Variants in COL5A1 observed in about 807,000 individuals in gnomAD.
The protein encoded by COL5A1 is collagen type V alpha 1 chain, also known as collagen alpha-1(V) chain.
In COL5A1, 16 loss-of-function variants were observed where a neutral mutation model predicts 263.7. The ratio of observed to expected loss-of-function variants is 0.06; its 90% CI spans 0.04 to 0.09. The LOEUF (loss-of-function observed/expected upper bound fraction) is 0.09. COL5A1 is among the 10% of genes least tolerant of loss of function. The probability of loss-of-function intolerance (pLI) is 1.00; values close to 1 mark genes in which losing one functional copy is unlikely to be tolerated. For missense variants in COL5A1, 2,036 were observed against 2,540.5 expected, an observed-to-expected ratio of 0.80 and a Z score of 4.27; for synonymous variants, 1,012 against 1,004.5, an observed-to-expected ratio of 1.01 and a Z score of -0.14.
chr9:134,804,831 A>G (rs934378872), intron 39 of COL5A1, 144 bp from the exon 40 acceptor site: 2 of 729,694 alleles, frequency 2.7e-6, no homozygotes, highest in Admixed American at 2.1e-5. Context: ...GAAGGCCCCA[A>G]CCCTTGGCCT....
At chr9:134,643,478 A>G (rs1588393077) in intron 1 of COL5A1, among the ~76,000 whole-genome samples, 1 of 152,194 alleles carries the variant, frequency 6.6e-6, no homozygotes, top group Non-Finnish European at 1.5e-5. Context: ...CCGCTTGTCA[A>G]TTAAAACACT....
chr9:134,796,962 C>G (rs1284511771), intron 36 of COL5A1, 61 bp downstream of exon 36: 1 of 1,167,008 alleles, frequency 8.6e-7, no homozygotes, highest in South Asian at 1.6e-5. Context: ...CCACCTGTCC[C>G]CTCCAAAACC....
intron 1 of COL5A1, among the ~76,000 whole-genome samples, chr9:134,659,044 G>T (rs1473282181): frequency 1.3e-5 from 2 of 152,130 alleles, no homozygotes; most frequent in African/African-American, 2.4e-5. Context: ...CATTTTACAG[G>T]TGAGAAGCAG....
intron 11 of COL5A1, among the ~76,000 whole-genome samples, chr9:134,749,890 G>A (rs1835711287): frequency 6.6e-6 from 1 of 152,246 alleles, no homozygotes; most frequent in Admixed American, 6.5e-5. Context: ...GAAGCTGGCT[G>A]GAATTGGTCT....
chr9:134,804,199 C>T (rs11794712), intron 39 of COL5A1, among the ~76,000 whole-genome samples: 22 of 152,140 alleles, frequency 1.4e-4, no homozygotes, highest in Non-Finnish European at 2.9e-4. Context: ...TACATGCACA[C>T]GTGTGTGTAT....
rs1214979825 is a variant in COL5A1 at position 134,755,254 on chromosome 9, C to T, written c.1827+928C>T. 6.6e-6 allele frequency among the ~76,000 whole-genome samples: 1 copy of T among 152,158 alleles called. No homozygotes were observed. Among genetic ancestry groups the T allele is most frequent in the African/African-American group, 2.4e-5 (1 of 41,438 alleles). On this transcript the variant is annotated intron_variant, in intron 16 of 65. Coordinates refer to ENST00000371817, the MANE Select transcript of COL5A1 (RefSeq NM_000093.5). The surrounding 1 kb of genome is among the most constrained non-coding windows in gnomAD (Gnocchi z 4.1). ...TTGGGCCATTTATTTGGATCTGATTCTGAAAAATGTTTTATTTCCTTAAGG... is the reference window on the plus strand; with the variant it reads ...TTGGGCCATTTATTTGGATCTGATTTTGAAAAATGTTTTATTTCCTTAAGG...
rs1318031733 is a variant in COL5A1 at position 134,794,804 on chromosome 9, A to G, written c.2701-278A>G. ...ATGTAGCGGTGCTCTGAGGAAAGAA[A>G]CCAGATAATAGTATAAACATCCATC... On this transcript the variant is annotated intron_variant, in intron 32 of 65. Transcript: ENST00000371817. This position sits in a 1 kb window ranked among gnomAD's most constrained non-coding sequence, Gnocchi z 4.3. Among the ~76,000 whole-genome samples, 1 of 152,198 alleles carries G rather than the reference A, an allele frequency of 6.6e-6. No individual in the cohort carries two copies. Among genetic ancestry groups the G allele is most frequent in the African/African-American group, 2.4e-5 (1 of 41,442 alleles).
chr9:134,701,863 G>A (rs1833687548), intron 4 of COL5A1, among the ~76,000 whole-genome samples: 1 of 152,210 alleles, frequency 6.6e-6, no homozygotes, highest in South Asian at 2.1e-4. Context: ...AGAGGCTTGG[G>A]AGTCGGGGCC....
At chr9:134,751,676 TG>T (rs1023042518) in intron 13 of COL5A1, among the ~76,000 whole-genome samples, 1 of 8,298 alleles carries the variant, frequency 1.2e-4, no homozygotes, top group African/African-American at 4.8e-4. Context: ...GGTGGGTGGG[TG>T]GGTAATCCTC....
intron 9 of COL5A1, among the ~76,000 whole-genome samples, chr9:134,733,556 C>T (rs1310272290): frequency 2.6e-5 from 4 of 152,194 alleles, no homozygotes; most frequent in Admixed American, 2.6e-4. Flanking sequence ...TCATGGGCTG[C>T]AGGGCAAAGG....
At chr9:134,760,270 CACAT>C (rs1363948206) in intron 18 of COL5A1, among the ~76,000 whole-genome samples, 1 of 121,904 alleles carries the variant, frequency 8.2e-6, no homozygotes, top group Non-Finnish European at 1.7e-5. Context: ...CACTGATACA[CACAT>C]GCACACACGC....
intron 49 of COL5A1, among the ~76,000 whole-genome samples, chr9:134,814,242 A>C (rs1838652592): frequency 1.3e-5 from 2 of 152,166 alleles, no homozygotes; most frequent in African/African-American, 2.4e-5. Context: ...AGCAATAGCT[A>C]CCTGTGCCCA....
At chr9:134,783,761 G>A (rs1362242790) in intron 29 of COL5A1, among the ~76,000 whole-genome samples, 1 of 152,226 alleles carries the variant, frequency 6.6e-6, no homozygotes, top group Non-Finnish European at 1.5e-5. Flanking sequence ...GGAAGGGGGA[G>A]GAAGGAGGGG....
intron 32 of COL5A1, among the ~76,000 whole-genome samples, chr9:134,790,523 C>T: frequency 8.8e-6 from 1 of 113,168 alleles, no homozygotes; most frequent in Non-Finnish European, 1.8e-5. Context: ...TCCATTCATC[C>T]ATCCATCCAC....
intron 9 of COL5A1, among the ~76,000 whole-genome samples, chr9:134,734,998 G>A (rs1341025268): frequency 1.3e-5 from 2 of 152,188 alleles, no homozygotes; most frequent in Non-Finnish European, 2.9e-5. Context: ...ATCACCTGAA[G>A]TCAGGAGTTC....
intron 65 of COL5A1, among the ~76,000 whole-genome samples, chr9:134,839,972 C>T (rs554219247): frequency 2.6e-5 from 4 of 152,386 alleles, no homozygotes; most frequent in Non-Finnish European, 1.5e-5. Context: ...GTGCCGTCTG[C>T]CCCACACTCG....
chr9:134,758,566 TGAAGGGGGCAGG>T lies in COL5A1; in HGVS notation c.1935+276_1935+287del, dbSNP rs557240035. On this transcript the variant is annotated intron_variant, in intron 18 of 65. Transcript: ENST00000371817. This position sits in a 1 kb window ranked among gnomAD's most constrained non-coding sequence, Gnocchi z 4.1. Reference sequence around the variant, plus strand: ...GATGGGCCTACCCACCTGAGGCGCGTGAAGGGGGCAGGGAAGGAGCCCTTCCTTTTAGAGATC... The same window carrying T: ...GATGGGCCTACCCACCTGAGGCGCGTGAAGGAGCCCTTCCTTTTAGAGATC... Among the ~76,000 whole-genome samples the T allele has an allele frequency of 2.3e-3, 351 of 152,222 alleles. 1 individual carries two copies. Among genetic ancestry groups the T allele is most frequent in the African/African-American group, 7.7e-3 (321 of 41,528 alleles).
intron 4 of COL5A1, among the ~76,000 whole-genome samples, chr9:134,717,623 A>G (rs1834315603): frequency 6.6e-6 from 1 of 152,228 alleles, no homozygotes; most frequent in Non-Finnish European, 1.5e-5. Flanking sequence ...CCCGCCTGCC[A>G]GGACAGGGGA....
chr9:134,772,306 C>T (rs938194835), intron 25 of COL5A1, among the ~76,000 whole-genome samples: 13 of 152,238 alleles, frequency 8.5e-5, no homozygotes, highest in Non-Finnish European at 1.3e-4. Context: ...ATTGCTAGTC[C>T]GGGAAGCAGG....
Sources: gnomAD v4.1 joint callset for allele counts (sites outside exome capture counted in the v4.1 genomes callset) on GRCh38, gnomAD v4.1.1 for gene constraint, Gnocchi (gnomAD v3.1) non-coding constraint, MANE v1.5 for transcripts, NCBI Gene and HGNC (gene_info 2026-07-23, HGNC 2026-07-21) for gene names.